Variants in MYT1 observed in about 807,000 individuals in gnomAD.
The protein encoded by MYT1 is myelin transcription factor I.
MYT1 carries 23 observed loss-of-function variants against 123.0 expected under a neutral mutation model. The observed-to-expected ratio is 0.19, with a 90% CI of 0.13 to 0.26. The LOEUF (loss-of-function observed/expected upper bound fraction) is 0.26, where lower values mean the gene tolerates loss of function less well. Ranked by LOEUF, MYT1 falls within the 10% of genes least tolerant of loss-of-function variation. MYT1 has a pLI of 1.00. For synonymous variants in MYT1, 518 were observed against 575.3 expected, an observed-to-expected ratio of 0.90 and a Z score of 1.43; for missense variants, 1,125 against 1,472.5, an observed-to-expected ratio of 0.76 and a Z score of 3.86.
intron 2 of MYT1, among the ~76,000 whole-genome samples, chr20:64,197,773 G>T (rs1045401002): frequency 3.3e-5 from 5 of 152,254 alleles, no homozygotes; most frequent in African/African-American, 1.2e-4. Context: ...TTCTGTGATT[G>T]TCACCCTCCT....
At chr20:64,238,157 C>T (rs537725282) in intron 21 of MYT1, among the ~76,000 whole-genome samples, 2 of 151,914 alleles carry the variant, frequency 1.3e-5, no homozygotes, top group African/African-American at 4.8e-5. Context: ...AAGAGCATGC[C>T]CCACCTGTGG....
chr20:64,177,535 TC>T (rs1709045909), intron 1 of MYT1, among the ~76,000 whole-genome samples: 3 of 130,830 alleles, frequency 2.3e-5, no homozygotes, highest in Non-Finnish European at 3.1e-5. Flanking sequence ...GAAGAGGCCC[TC>T]GGGGCGGGGA....
At chr20:64,210,364 G>A (rs543662403) in intron 7 of MYT1, among the ~76,000 whole-genome samples, 3 of 152,342 alleles carry the variant, frequency 2.0e-5, no homozygotes, top group South Asian at 2.1e-4. Flanking sequence ...CAGATGCTGC[G>A]AGAATTCTGG....
chr20:64,187,579 G>C (rs571480557), intron 1 of MYT1, among the ~76,000 whole-genome samples: 4 of 152,408 alleles, frequency 2.6e-5, no homozygotes, highest in African/African-American at 9.6e-5. Flanking sequence ...TGTGCTGCTA[G>C]AGATGCTGAT....
intron 1 of MYT1, among the ~76,000 whole-genome samples, chr20:64,175,435 A>T (rs1982420716): frequency 2.0e-3 from 1 of 502 alleles, no homozygotes; most frequent in Non-Finnish European, 2.7e-3. Flanking sequence ...CTCCTGTAGC[A>T]TCTTTCCCTG....
At chr20:64,195,803 A>C (rs369666856) in intron 2 of MYT1, among the ~76,000 whole-genome samples, 1 of 152,252 alleles carries the variant, frequency 6.6e-6, no homozygotes, top group Non-Finnish European at 1.5e-5. Context: ...GACTGCTTTT[A>C]TATGGCACTA....
At chr20:64,235,678 A>G (rs370394234) in intron 19 of MYT1, among the ~76,000 whole-genome samples, 1 of 56,474 alleles carries the variant, frequency 1.8e-5, no homozygotes, top group Non-Finnish European at 3.4e-5. Flanking sequence ...GGTGGGTGAC[A>G]CTGGGCTGGT....
In MYT1 at chr20:64,185,709, G is replaced by A. The variant is rs991699534; in HGVS notation, c.-98-4354G>A. On this transcript the variant is annotated intron_variant, in intron 1 of 22. Transcript: ENST00000328439. The surrounding 1 kb of genome is among the most constrained non-coding windows in gnomAD (Gnocchi z 4.5). Reference sequence around the variant, plus strand: ...ACCGAGCCAGCATGAAAACAGCCACGGTCGCCCGCAGGGGGTCCCCCATGG... The same window carrying A: ...ACCGAGCCAGCATGAAAACAGCCACAGTCGCCCGCAGGGGGTCCCCCATGG... Among the ~76,000 whole-genome samples the A allele has an allele frequency of 5.9e-5, 9 of 152,192 alleles. No homozygotes were observed. The highest frequency in any genetic ancestry group is 9.7e-5 in the African/African-American group (4 of 41,450).
At chr20:64,216,313 A>G (rs1317047500) in intron 10 of MYT1, among the ~76,000 whole-genome samples, 1 of 152,252 alleles carries the variant, frequency 6.6e-6, no homozygotes. Context: ...TGTGGTCACC[A>G]GCATCTACCA....
chr20:64,201,130 G>C (rs528774584), intron 4 of MYT1, among the ~76,000 whole-genome samples: 3 of 152,354 alleles, frequency 2.0e-5, no homozygotes, highest in Admixed American at 2.0e-4. Flanking sequence ...CAGGAGTTGA[G>C]GAAACTCCAG....
chr20:64,227,810 G>A, intron 17 of MYT1, 78 bp from the exon 18 acceptor site: 2 of 1,294,052 alleles, frequency 1.5e-6, no homozygotes, highest in Non-Finnish European at 2.2e-6. Flanking sequence ...AGAGCTTGAG[G>A]GGAGAGGGTG....
chr20:64,236,380 ATGGCCGTGGTGGGTGACCCTGGGC>A (rs1984544777), intron 19 of MYT1, among the ~76,000 whole-genome samples, 151 bp from the exon 20 acceptor site: 7 of 80,162 alleles, frequency 8.7e-5, no homozygotes, highest in South Asian at 4.0e-4. Context: ...TGACCCTGGG[ATGGCCGTGGTGGGTGACCCTGGGC>A]TGGCCGTGGT....
intron 1 of MYT1, among the ~76,000 whole-genome samples, chr20:64,170,851 A>ATT: frequency 8.3e-5 from 2 of 24,188 alleles, no homozygotes; most frequent in African/African-American, 3.9e-4. Context: ...AATTGGTCAT[A>ATT]TATATATATA....
At position 64,191,001 on chromosome 20, in the gene MYT1, C is replaced by G. The variant is rs1982953533; in HGVS notation, c.-1+841C>G. 6.6e-6 allele frequency among the ~76,000 whole-genome samples: 1 copy of G among 152,068 alleles called. No homozygotes were observed. The highest frequency in any genetic ancestry group is 1.5e-5 in the Non-Finnish European group (1 of 67,996). On this transcript the variant is annotated intron_variant, in intron 2 of 22. Coordinates refer to ENST00000328439, the MANE Select transcript of MYT1 (RefSeq NM_004535.3). This position sits in a 1 kb window ranked among gnomAD's most constrained non-coding sequence, Gnocchi z 4.1. The stretch of plus-strand genomic sequence containing the variant: ...AAGCAAGCAAGCAAACAAAAAAAAC[C>G]CACCAAAATGAAAATGTGACCCCAG...
rs1028272549 is a variant in MYT1 at position 64,203,812 on chromosome 20, A to T, written c.87-1223A>T. On this transcript the variant is annotated intron_variant, in intron 4 of 22. Transcript: ENST00000328439. This position sits in a 1 kb window ranked among gnomAD's most constrained non-coding sequence, Gnocchi z 5.1. ...ATTAGAAACGATCAGAGGTGTCTGG[A>T]TAGAGACTGGGGATGGCGTTCTTTT... 6.6e-5 allele frequency among the ~76,000 whole-genome samples: 10 copies of T among 152,230 alleles called. No individual in the cohort carries two copies. Among genetic ancestry groups the T allele is most frequent in the African/African-American group, 2.2e-4 (9 of 41,458 alleles).
chr20:64,204,440 C>T (rs180760145), intron 4 of MYT1, among the ~76,000 whole-genome samples: 22 of 152,306 alleles, frequency 1.4e-4, no homozygotes, highest in African/African-American at 3.6e-4. Context: ...CGGGCCCTCC[C>T]GGCTTCTTTT....
intron 2 of MYT1, among the ~76,000 whole-genome samples, chr20:64,194,386 C>T (rs1022303053): frequency 2.0e-5 from 3 of 152,250 alleles, no homozygotes; most frequent in African/African-American, 7.2e-5. Flanking sequence ...CTTAGCAGAG[C>T]TCTCTGTTTC....
chr20:64,185,798 C>T lies in MYT1; in HGVS notation c.-98-4265C>T, dbSNP rs902114803. 6.6e-6 allele frequency among the ~76,000 whole-genome samples: 1 copy of T among 152,202 alleles called. No individual in the cohort carries two copies. The highest frequency in any genetic ancestry group is 2.4e-5 in the African/African-American group (1 of 41,450). ...GAAGTGTGTGCTGGCAGTGGGTCAGCCGGCAGCTGGGGTGTTAGCTCTGGG... is the reference window on the plus strand; with the variant it reads ...GAAGTGTGTGCTGGCAGTGGGTCAGTCGGCAGCTGGGGTGTTAGCTCTGGG... On this transcript the variant is annotated intron_variant, in intron 1 of 22. Coordinates refer to ENST00000328439, the MANE Select transcript of MYT1 (RefSeq NM_004535.3). This position sits in a 1 kb window ranked among gnomAD's most constrained non-coding sequence, Gnocchi z 4.5.
chr20:64,233,706 C>T lies in MYT1; in HGVS notation c.2897+1321C>T, dbSNP rs1451548991. Among the ~76,000 whole-genome samples the T allele has an allele frequency of 3.3e-5, 5 of 151,696 alleles. 1 individual carries two copies. Among genetic ancestry groups the T allele is most frequent in the Non-Finnish European group, 2.9e-5 (2 of 67,950 alleles). On this transcript the variant is annotated intron_variant, in intron 19 of 22. Transcript: ENST00000328439. ...TTACTTAGTATGGTGAATGGTGGTG[C>T]GTGTGCTGGGCAAAAAAGAAGCAGG...
Sources: allele counts gnomAD v4.1 joint callset (sites outside exome capture counted in the v4.1 genomes callset), GRCh38; gene constraint gnomAD v4.1.1; non-coding constraint Gnocchi (gnomAD v3.1); transcripts MANE v1.5; gene names NCBI Gene and HGNC (gene_info 2026-07-23, HGNC 2026-07-21).